PLEKHH2: variants seen among roughly 807,000 people sequenced by gnomAD.
PLEKHH2 encodes pleckstrin homology domain-containing family H member 2.
A neutral mutation model predicts 187.9 loss-of-function variants in PLEKHH2; 129 were observed. The observed-to-expected ratio is 0.69, with a 90% CI of 0.59 to 0.79. The LOEUF is 0.79. PLEKHH2 is among the 30% of genes least tolerant of loss of function. PLEKHH2 has a pLI of 0.00. For missense variants in PLEKHH2, 2,076 were observed against 1,751.2 expected (o/e 1.19, Z -3.31); for synonymous variants, 686 against 605.6 (o/e 1.13, Z -1.95).
intron 2 of PLEKHH2, chr2:43,675,507 A>G: frequency 1.9e-6 from 3 of 1,614,058 alleles, no homozygotes; most frequent in Non-Finnish European, 1.7e-6. Context: ...TGAAAGTAAT[A>G]GCCATATCTG....
intron 1 of PLEKHH2, among the ~76,000 whole-genome samples, chr2:43,641,540 G>T (rs570846063): frequency 6.6e-6 from 1 of 152,000 alleles, no homozygotes; most frequent in East Asian, 1.9e-4. Flanking sequence ...TAGTGTTAGT[G>T]TATTTTATGT....
At chr2:43,687,746 G>A (rs1010560555) in intron 3 of PLEKHH2, among the ~76,000 whole-genome samples, 4 of 152,032 alleles carry the variant, frequency 2.6e-5, no homozygotes, top group Admixed American at 2.6e-4. Context: ...TAGCAATGAT[G>A]AGCATTTTTT....
At chr2:43,677,932 T>TC (rs1287421495) in intron 2 of PLEKHH2, among the ~76,000 whole-genome samples, 1 of 32,648 alleles carries the variant, frequency 3.1e-5, no homozygotes, top group Non-Finnish European at 8.1e-5. Context: ...GGGGGGCTGA[T>TC]CCCCCCACCT....
At position 43,767,435 on chromosome 2, in the gene PLEKHH2, G is replaced by C. The variant is rs1045073918; in HGVS notation, c.*1837G>C. The C allele has an allele frequency of 1.3e-5, 2 of 152,312 alleles. No individual in the cohort carries two copies. Among genetic ancestry groups the C allele is most frequent in the Non-Finnish European group, 2.9e-5 (2 of 68,032 alleles). The allele number at this position is 152,312 out of a possible 1,614,324, so 9.4% of individuals were successfully genotyped here. A position where few individuals can be genotyped will look rare whatever the true frequency, so the allele number is the denominator to read the frequency against. On this transcript the variant is annotated 3_prime_UTR_variant, in exon 30 of 30. Transcript: ENST00000282406. ...ATATTTTTTAAACCCCATCAAAATA[G>C]ATTTCAATTGACTGTTTCCCCTACA...
chr2:43,759,026 A>C lies in PLEKHH2; in HGVS notation c.4068A>C (p.Ala1356=), dbSNP rs1397057308. The change falls in exon 27 of 30, where the codon GCA becomes GCC. Residue 1356 remains alanine, a synonymous_variant. Transcript: ENST00000282406. ...TCTTTGGTGCCAAGTTGTTTCTTGC[A>C]AAAGTAAGAAAGAATGGGAGAGAGA... The part of the protein sequence containing the change: ...WPFFGAKLFL[A]KPITPSSLGS... 6.2e-7 allele frequency: 1 copy of C among 1,611,952 alleles called. No individual in the cohort carries two copies. The highest frequency in any genetic ancestry group is 8.5e-7 in the Non-Finnish European group (1 of 1,178,462).
intron 3 of PLEKHH2, among the ~76,000 whole-genome samples, chr2:43,683,806 C>T (rs1174158321): frequency 6.6e-6 from 1 of 151,508 alleles, no homozygotes; most frequent in Non-Finnish European, 1.5e-5. Context: ...GTGATATTAG[C>T]AGCCATTGAT....
chr2:43,767,351 C>T lies in PLEKHH2; in HGVS notation c.*1753C>T, dbSNP rs1485049223. 1 of 152,216 alleles carries T rather than the reference C, an allele frequency of 6.6e-6. No individual in the cohort carries two copies. The allele number at this position is 152,216 out of a possible 1,614,324, so 9.4% of individuals were successfully genotyped here. ...ACTGTATTAGCATCCTTAGAAGGGA[C>T]AGAACTAAGAAATACATTGCTCAAA... On this transcript the variant is annotated 3_prime_UTR_variant, in exon 30 of 30. Coordinates refer to ENST00000282406, the MANE Select transcript of PLEKHH2 (RefSeq NM_172069.4).
chr2:43,651,273 T>G (rs1039380649), intron 2 of PLEKHH2, among the ~76,000 whole-genome samples: 2 of 151,996 alleles, frequency 1.3e-5, no homozygotes, highest in African/African-American at 2.4e-5. Flanking sequence ...TTCACTATCT[T>G]GGCCAAGCTG....
At chr2:43,745,569 A>G (rs7605900) in intron 23 of PLEKHH2, among the ~76,000 whole-genome samples, 31,789 of 152,124 alleles carry the variant, frequency 0.21, 3,552 homozygotes, top group Admixed American at 0.3. Flanking sequence ...AATCATGGAA[A>G]AATCCCTGGA....
intron 2 of PLEKHH2, among the ~76,000 whole-genome samples, chr2:43,655,367 G>C (rs1230444254): frequency 6.6e-6 from 1 of 152,132 alleles, no homozygotes; most frequent in Non-Finnish European, 1.5e-5. Context: ...AAGAGCAGTG[G>C]AGAGCAGAGT....
intron 2 of PLEKHH2, among the ~76,000 whole-genome samples, chr2:43,666,044 T>G (rs1056669479): frequency 6.7e-6 from 1 of 148,732 alleles, no homozygotes; most frequent in East Asian, 1.9e-4. Flanking sequence ...TAAGCAAGCC[T>G]GGGCAATGGC....
At chr2:43,755,368 A>C (rs1183519644) in intron 25 of PLEKHH2, among the ~76,000 whole-genome samples, 1 of 152,092 alleles carries the variant, frequency 6.6e-6, no homozygotes, top group Non-Finnish European at 1.5e-5. Flanking sequence ...GGGATGTTTT[A>C]GTCTGTTCTC....
intron 2 of PLEKHH2, among the ~76,000 whole-genome samples, chr2:43,657,045 T>C (rs66718171): frequency 0.081 from 5,224 of 64,400 alleles, 133 homozygotes; most frequent in East Asian, 0.13. Flanking sequence ...CAAAACAAAA[T>C]AAAACAAAAA....
intron 14 of PLEKHH2, 149 bp downstream of exon 14, chr2:43,710,724 C>T: frequency 7.0e-7 from 1 of 1,419,900 alleles, no homozygotes; most frequent in Non-Finnish European, 9.2e-7. Flanking sequence ...GTATGTGAAA[C>T]TCCACGAATT....
At chr2:43,725,917 C>A (rs764553297) in intron 16 of PLEKHH2, among the ~76,000 whole-genome samples, 4 of 151,776 alleles carry the variant, frequency 2.6e-5, no homozygotes, top group Non-Finnish European at 5.9e-5. Context: ...CTGAGACTGG[C>A]CTGGGCAATG....
At chr2:43,756,225 A>G (rs747510883) in intron 25 of PLEKHH2, among the ~76,000 whole-genome samples, 1 of 148,540 alleles carries the variant, frequency 6.7e-6, no homozygotes, top group Non-Finnish European at 1.5e-5. Context: ...AAGTAATGAG[A>G]ATATGGTTCT....
intron 21 of PLEKHH2, among the ~76,000 whole-genome samples, chr2:43,742,361 C>T (rs1037863473): frequency 1.3e-5 from 2 of 151,738 alleles, no homozygotes; most frequent in African/African-American, 4.8e-5. Flanking sequence ...CCATGTTCTT[C>T]AGAAGAGAAT....
At chr2:43,705,082 A>G (rs960094377) in intron 9 of PLEKHH2, among the ~76,000 whole-genome samples, 8 of 152,150 alleles carry the variant, frequency 5.3e-5, no homozygotes, top group African/African-American at 1.9e-4. Flanking sequence ...TGCTCATTAC[A>G]AAAAATAAAA....
rs1331101113 is a variant in PLEKHH2, at chr2:43,753,732, C to T, written c.3767C>T (p.Ala1256Val). The T allele has an allele frequency of 3.8e-6, 6 of 1,576,682 alleles. No homozygotes were observed. The Admixed American group carries it at 1.1e-4, about 30-fold the overall frequency. Reference sequence around the variant, plus strand: ...CTTTTTCCTCTGAACAAAGATCTGGCATTAGAAATGGCAGCTCTTTTATCT... The same window carrying T: ...CTTTTTCCTCTGAACAAAGATCTGGTATTAGAAATGGCAGCTCTTTTATCT... ...NGLFPLNKDLALEMAALLSQV... is the reference protein window; with the variant it reads ...NGLFPLNKDLVLEMAALLSQV... Residue 1256 changes from alanine to valine, a missense_variant, in exon 25 of 30, where the codon GCA becomes GTA. By Grantham distance (64) the Ala-to-Val change is moderately conservative (BLOSUM62 0). Coordinates refer to ENST00000282406, the MANE Select transcript of PLEKHH2 (RefSeq NM_172069.4).
Sources: gnomAD v4.1 joint callset for allele counts (sites outside exome capture counted in the v4.1 genomes callset) on GRCh38, gnomAD v4.1.1 for gene constraint, MANE v1.5 for transcripts, NCBI Gene and HGNC (gene_info 2026-07-23, HGNC 2026-07-21) for gene names.